The following RNF212 variants were observed in gnomAD, a reference collection of about 807,000 sequenced individuals.
RNF212 encodes ring finger protein 212, also known as probable E3 SUMO-protein ligase RNF212.
RNF212 carries 33 observed loss-of-function variants against 34.7 expected under a neutral mutation model. The ratio of observed to expected loss-of-function variants is 0.95; its 90% confidence interval spans 0.72 to 1.27. The LOEUF (loss-of-function observed/expected upper bound fraction) is 1.27, where lower values mean the gene tolerates loss of function less well. Ranked by LOEUF, RNF212 falls within the 50% of genes most tolerant of loss-of-function variation. The probability of loss-of-function intolerance (pLI) is 0.00; values close to 1 mark genes in which losing one functional copy is unlikely to be tolerated. For missense variants in RNF212, 377 were observed against 362.2 expected (o/e 1.04, Z -0.33); for synonymous variants, 140 against 136.1 (o/e 1.03, Z -0.20).
rs147832922 is a variant in RNF212, at chr4:1,091,950, G to C, written c.247-1112C>G. The stretch of plus-strand genomic sequence containing the variant: ...ACAGAAGGACTCCGCAGGTTGCCCT[G>C]ACCCCAGCTCTTGTGCACATTGCAG... On this transcript the variant is annotated intron_variant, in intron 3 of 9. Coordinates refer to ENST00000433731, the MANE Select transcript of RNF212 (RefSeq NM_001131034.4). Among the ~76,000 whole-genome samples, 240 of 152,326 alleles carry C rather than the reference G, an allele frequency of 1.6e-3. 3 individuals are homozygous for C. The highest frequency in any genetic ancestry group is 5.4e-3 in the African/African-American group (224 of 41,578).
At position 1,096,795 on chromosome 4, in the gene RNF212, C is replaced by G; in HGVS notation, c.216G>C (p.Leu72=). Residue 72 remains leucine (L), a synonymous_variant, in exon 3 of 10, where the codon CTG becomes CTC. Coordinates refer to ENST00000433731, the MANE Select transcript of RNF212 (RefSeq NM_001131034.4). ...IQAFFMSIDS[L]CKKYSRETSQ... is the part of the protein sequence containing the mutation. ...AGGTTTCCCTGGAGTACTTCTTACA[C>G]AGACTGTCTATGCTCATGAAGAATG... 5.0e-6 allele frequency: 8 copies of G among 1,613,944 alleles called. No individual in the cohort carries two copies. The highest frequency in any genetic ancestry group is 6.8e-6 in the Non-Finnish European group (8 of 1,179,758).
At position 1,113,490 on chromosome 4, in the gene RNF212, G is replaced by T; in HGVS notation, c.-26C>A. 6.3e-7 allele frequency: 1 copy of T among 1,589,592 alleles called. No homozygotes were observed. The highest frequency in any genetic ancestry group is 8.6e-7 in the Non-Finnish European group (1 of 1,165,050). On this transcript the variant is annotated 5_prime_UTR_variant, in exon 1 of 10. Coordinates refer to ENST00000433731, the MANE Select transcript of RNF212 (RefSeq NM_001131034.4). ...GCCAGGCGGGCGACCGCAGCGGCGA[G>T]GCCGGGCCCACGCGAAGCCCACGCA...
intron 2 of RNF212, among the ~76,000 whole-genome samples, chr4:1,101,774 C>A (rs187586767): frequency 6.6e-6 from 1 of 152,132 alleles, no homozygotes; most frequent in Non-Finnish European, 1.5e-5. Context: ...TCCTTCTCAG[C>A]GCAAAAATAT....
At chr4:1,089,152 A>G (rs946670146) in intron 4 of RNF212, among the ~76,000 whole-genome samples, 3 of 152,236 alleles carry the variant, frequency 2.0e-5, no homozygotes, top group African/African-American at 4.8e-5. Context: ...GAAAAGCTGC[A>G]GGCACTCAAC....
chr4:1,093,578 A>T, intron 3 of RNF212: 1 of 1,161,860 alleles, frequency 8.6e-7, no homozygotes, highest in Admixed American at 2.3e-5. Context: ...GAGGCACGAG[A>T]GGCAGAGCAG....
chr4:1,099,850 C>T (rs1261770422), intron 2 of RNF212: 4 of 456,066 alleles, frequency 8.8e-6, no homozygotes, highest in African/African-American at 6.0e-5. Context: ...TACCCCTGTG[C>T]GGGATCCACG....
intron 2 of RNF212, among the ~76,000 whole-genome samples, chr4:1,097,081 C>T (rs1334437208): frequency 6.6e-6 from 1 of 152,176 alleles, no homozygotes; most frequent in East Asian, 1.9e-4. Flanking sequence ...GCAGAGCAGC[C>T]TGCCTGGCAA....
intron 8 of RNF212, among the ~76,000 whole-genome samples, chr4:1,076,491 G>A (rs1719325208): frequency 6.6e-6 from 1 of 152,156 alleles, no homozygotes; most frequent in Non-Finnish European, 1.5e-5. Context: ...AACAGTGTGG[G>A]AGGTTCACCT....
intron 3 of RNF212, chr4:1,058,424 G>A (rs2045068): frequency 0.72 from 284,680 of 398,042 alleles, 109,683 homozygotes; most frequent in African/African-American, 0.94. Flanking sequence ...AACATGAGTC[G>A]TTCATGTTAA....
At chr4:1,073,272 G>C in intron 9 of RNF212, 79 bp from the exon 10 acceptor site, 1 of 1,532,648 alleles carries the variant, frequency 6.5e-7, no homozygotes, top group Non-Finnish European at 8.8e-7. Context: ...GGGTGAGGGA[G>C]GGATTCACTT....
At chr4:1,058,944 G>T (rs944533789) in intron 3 of RNF212, among the ~76,000 whole-genome samples, 1 of 152,222 alleles carries the variant, frequency 6.6e-6, no homozygotes, top group African/African-American at 2.4e-5. Flanking sequence ...GGGCAAAAGC[G>T]CGTCCAGAAT....
intron 3 of RNF212, among the ~76,000 whole-genome samples, chr4:1,059,114 G>T (rs1442360860): frequency 2.6e-5 from 4 of 152,254 alleles, no homozygotes; most frequent in African/African-American, 9.6e-5. Context: ...CCAGCGCAGT[G>T]ACTGTGACTG....
At chr4:1,103,696 T>C (rs1438564541) in intron 2 of RNF212, among the ~76,000 whole-genome samples, 1 of 152,200 alleles carries the variant, frequency 6.6e-6, no homozygotes, top group Non-Finnish European at 1.5e-5. Context: ...TTATAGTCAA[T>C]AATCACAGAA....
intron 2 of RNF212, among the ~76,000 whole-genome samples, chr4:1,107,086 C>G (rs1417911493): frequency 6.6e-6 from 1 of 151,254 alleles, no homozygotes; most frequent in Admixed American, 6.6e-5. Flanking sequence ...GAGTCTTGCT[C>G]TGTCGCCCAG....
intron 3 of RNF212, chr4:1,093,866 G>A: frequency 1.3e-6 from 2 of 1,536,240 alleles, no homozygotes; most frequent in Non-Finnish European, 1.7e-6. Flanking sequence ...CCGGCATCCT[G>A]GTCTGGGTGC....
At chr4:1,081,668 C>T (rs769070223) in intron 5 of RNF212, 49 bp from the exon 6 acceptor site, 16 of 1,306,668 alleles carry the variant, frequency 1.2e-5, no homozygotes, top group East Asian at 2.3e-5. Flanking sequence ...AAACTGACTT[C>T]CCCCCAGGTC....
intron 4 of RNF212, among the ~76,000 whole-genome samples, chr4:1,088,376 A>C (rs968860152): frequency 2.0e-5 from 3 of 152,196 alleles, no homozygotes; most frequent in Admixed American, 2.0e-4. Flanking sequence ...TGGCAGAAGA[A>C]ATTTCTAAGC....
chr4:1,056,627 A>G (rs1439611308), intron 4 of RNF212: 11 of 446,598 alleles, frequency 2.5e-5, no homozygotes, highest in Admixed American at 6.4e-5. Context: ...GAGTATTATC[A>G]ATATGTTTAA....
chr4:1,102,881 C>T (rs1192262971), intron 2 of RNF212, among the ~76,000 whole-genome samples: 1 of 133,846 alleles, frequency 7.5e-6, no homozygotes, highest in Non-Finnish European at 1.6e-5. Flanking sequence ...GTGGCTCACA[C>T]CTGTAATCCC....
Sources: allele counts gnomAD v4.1 joint callset (sites outside exome capture counted in the v4.1 genomes callset), GRCh38; gene constraint gnomAD v4.1.1; transcripts MANE v1.5; gene names NCBI Gene and HGNC (gene_info 2026-07-23, HGNC 2026-07-21).